Variants in COP1 observed in about 807,000 individuals in gnomAD.
The protein encoded by COP1 is COP1 E3 ubiquitin ligase.
COP1 carries 24 observed loss-of-function variants against 101.3 expected under a neutral mutation model. The ratio of observed to expected loss-of-function variants is 0.24; its 90% CI spans 0.17 to 0.33. COP1 has a LOEUF of 0.33. Among genes scored for constraint, COP1 ranks in the 10% least tolerant of loss-of-function variants. The probability of loss-of-function intolerance (pLI) is 1.00; values close to 1 mark genes in which losing one functional copy is unlikely to be tolerated. For missense variants in COP1, 663 were observed against 906.2 expected (o/e 0.73, Z 3.45); for synonymous variants, 347 against 341.9 (o/e 1.01, Z -0.17).
chr1:176,137,902 C>T (rs182289580), intron 6 of COP1, among the ~76,000 whole-genome samples: 1 of 152,194 alleles, frequency 6.6e-6, no homozygotes, highest in East Asian at 1.9e-4. Flanking sequence ...CGAAAAACAA[C>T]TGTAGCCCTT....
intron 18 of COP1, among the ~76,000 whole-genome samples, chr1:175,971,135 G>A (rs1219731243): frequency 2.0e-5 from 3 of 152,162 alleles, no homozygotes; most frequent in Admixed American, 2.0e-4. Context: ...ATGATTCTGG[G>A]GTTTTAGACT....
chr1:176,184,965 G>C lies in COP1; in HGVS notation c.408-273C>G, dbSNP rs115688905. The stretch of plus-strand genomic sequence containing the variant: ...CAAAATGGTTCCAATATTTTAACTC[G>C]GCACATAATTTTTAGTAGTACAATG... On this transcript the variant is annotated intron_variant, in intron 1 of 19. Transcript: ENST00000367669. 7.2e-3 allele frequency among the ~76,000 whole-genome samples: 1,088 copies of C among 151,952 alleles called. 12 individuals are homozygous for C. Among genetic ancestry groups the C allele is most frequent in the Middle Eastern group, 0.027 (8 of 294 alleles).
chr1:176,062,409 A>G (rs1283082156), intron 11 of COP1, among the ~76,000 whole-genome samples: 2 of 152,236 alleles, frequency 1.3e-5, no homozygotes, highest in Non-Finnish European at 2.9e-5. Context: ...TGATAAGGGA[A>G]AAGCATAGAA....
In COP1 at chr1:176,043,716, G is replaced by A. The variant is rs1213447289; in HGVS notation, c.1524C>T (p.Val508=). 3.2e-6 allele frequency: 5 copies of A among 1,563,192 alleles called. No individual in the cohort carries two copies. The South Asian group carries it at 4.5e-5, about 14-fold the overall frequency. ...AACTAGTACCCTTATTTACCTGATA[G>A]ACCTTTGACCTCTGTCCTGTGAATC... ...WDGFTGQRSK[V]YQEHEKRCWS... Residue 508 remains valine (V), a synonymous_variant, in exon 13 of 20, where the codon GTC becomes GTT. Transcript: ENST00000367669.
chr1:176,087,262 T>A (rs986137485), intron 9 of COP1, among the ~76,000 whole-genome samples: 1 of 152,124 alleles, frequency 6.6e-6, no homozygotes, highest in Non-Finnish European at 1.5e-5. Context: ...ACAAATGGGA[T>A]CTAATTAAAC....
chr1:176,113,820 G>T, intron 9 of COP1, among the ~76,000 whole-genome samples: 1 of 152,052 alleles, frequency 6.6e-6, no homozygotes, highest in Non-Finnish European at 1.5e-5. Flanking sequence ...CTGTCAAGTG[G>T]GAATGATTCT....
chr1:176,006,382 C>G (rs1338734540), intron 15 of COP1, among the ~76,000 whole-genome samples: 3 of 152,116 alleles, frequency 2.0e-5, no homozygotes, highest in African/African-American at 7.2e-5. Context: ...TGAATTTGAT[C>G]CTGTCATTAT....
chr1:176,103,722 C>A (rs998542302), intron 9 of COP1, among the ~76,000 whole-genome samples: 4 of 152,068 alleles, frequency 2.6e-5, no homozygotes, highest in Non-Finnish European at 5.9e-5. Context: ...ATTAATATCT[C>A]AAAATTAAAA....
At chr1:176,108,736 T>C (rs1684774377) in intron 9 of COP1, among the ~76,000 whole-genome samples, 1 of 152,124 alleles carries the variant, frequency 6.6e-6, no homozygotes, top group South Asian at 2.1e-4. Context: ...TATTATTTCA[T>C]GTGAGCTGAA....
intron 1 of COP1, among the ~76,000 whole-genome samples, chr1:176,185,024 A>T (rs539205904): frequency 1.3e-5 from 2 of 152,144 alleles, no homozygotes; most frequent in African/African-American, 2.4e-5. Context: ...AAGCTCTACC[A>T]TCGTTTTCCA....
chr1:176,156,600 GA>G (rs1693489915), intron 5 of COP1, among the ~76,000 whole-genome samples: 1 of 152,136 alleles, frequency 6.6e-6, no homozygotes, highest in Non-Finnish European at 1.5e-5. Flanking sequence ...CAAGCATGAA[GA>G]AGACTATACC....
rs1679060038 is a variant in COP1 at position 176,081,148 on chromosome 1, T to C, written c.1277+4A>G. 1.3e-6 allele frequency: 2 copies of C among 1,594,418 alleles called. No homozygotes were observed. ...AAGAAAATAGTAATTTGACCAATACTTACCTAGAGACTATACTGGAACCAT... is the reference window on the plus strand; with the variant it reads ...AAGAAAATAGTAATTTGACCAATACCTACCTAGAGACTATACTGGAACCAT... On this transcript the variant is annotated splice_donor_region_variant and intron_variant, in intron 11 of 19. Coordinates refer to ENST00000367669, the MANE Select transcript of COP1 (RefSeq NM_022457.7).
chr1:176,044,669 G>T (rs960550943), intron 12 of COP1, among the ~76,000 whole-genome samples: 2 of 152,150 alleles, frequency 1.3e-5, no homozygotes, highest in Non-Finnish European at 2.9e-5. Context: ...TCAAATTCCA[G>T]ATCTGTTACT....
intron 18 of COP1, among the ~76,000 whole-genome samples, chr1:175,951,282 TAATAA>T (rs1303933867): frequency 6.7e-6 from 1 of 149,928 alleles, no homozygotes; most frequent in African/African-American, 2.4e-5. Flanking sequence ...ATATAAAATA[TAATAA>T]AATAAAATCC....
intron 18 of COP1, among the ~76,000 whole-genome samples, chr1:175,958,113 T>C (rs55779970): frequency 6.6e-6 from 1 of 152,082 alleles, no homozygotes; most frequent in African/African-American, 2.4e-5. Flanking sequence ...TATACTGATG[T>C]ATACACTTGT....
At chr1:176,130,636 C>T (rs900955562) in intron 8 of COP1, among the ~76,000 whole-genome samples, 1 of 151,494 alleles carries the variant, frequency 6.6e-6, no homozygotes, top group Non-Finnish European at 1.5e-5. Flanking sequence ...AAATAATTAA[C>T]CTATTAAGTA....
intron 5 of COP1, among the ~76,000 whole-genome samples, chr1:176,158,709 G>A (rs1421456096): frequency 3.6e-5 from 5 of 137,386 alleles, no homozygotes; most frequent in Admixed American, 8.1e-5. Flanking sequence ...GCACAATCTC[G>A]GCTCACTGCA....
chr1:176,118,600 C>T (rs1446911415), intron 8 of COP1, among the ~76,000 whole-genome samples: 1 of 152,028 alleles, frequency 6.6e-6, no homozygotes, highest in Non-Finnish European at 1.5e-5. Flanking sequence ...CCGTTTTCTA[C>T]ATATAATTAG....
chr1:175,977,159 T>C (rs1185327573), intron 18 of COP1, among the ~76,000 whole-genome samples: 1 of 152,180 alleles, frequency 6.6e-6, no homozygotes, highest in Non-Finnish European at 1.5e-5. Flanking sequence ...CTTTCTACTT[T>C]TATCAGAGAG....
Sources: gnomAD v4.1 joint callset for allele counts (sites outside exome capture counted in the v4.1 genomes callset) on GRCh38, gnomAD v4.1.1 for gene constraint, MANE v1.5 for transcripts, NCBI Gene and HGNC (gene_info 2026-07-23, HGNC 2026-07-21) for gene names.